The following DLGAP1 variants were observed in gnomAD, a reference collection of about 807,000 sequenced individuals.
The protein encoded by DLGAP1 is disks large-associated protein 1.
Under a neutral mutation model 90.8 loss-of-function variants are expected in DLGAP1, and 11 were observed. The ratio of observed to expected loss-of-function variants is 0.12; its 90% CI spans 0.08 to 0.20. The LOEUF is 0.20. Among genes scored for constraint, DLGAP1 ranks in the 10% least tolerant of loss-of-function variants. The pLI is 1.00. For missense variants in DLGAP1, 1,050 were observed against 1,333.8 expected (o/e 0.79, Z 3.31); for synonymous variants, 558 against 540.7 (o/e 1.03, Z -0.44).
chr18:3,657,633 T>G (rs1025529659), intron 7 of DLGAP1, among the ~76,000 whole-genome samples: 12 of 150,354 alleles, frequency 8.0e-5, no homozygotes, highest in Non-Finnish European at 1.6e-4. Flanking sequence ...GACGGAGTCT[T>G]GCTCTGTTGC....
At chr18:4,086,489 T>C (rs1358037421) in intron 2 of DLGAP1, among the ~76,000 whole-genome samples, 2 of 152,190 alleles carry the variant, frequency 1.3e-5, no homozygotes, top group East Asian at 3.9e-4. Flanking sequence ...CTCCCACAAG[T>C]TTCGATATGT....
chr18:4,155,871 G>A (rs2076747801), intron 1 of DLGAP1, among the ~76,000 whole-genome samples: 1 of 152,132 alleles, frequency 6.6e-6, no homozygotes, highest in African/African-American at 2.4e-5. Context: ...CCTGGCTGCT[G>A]GTTTGGAACA....
At chr18:3,700,796 AGACGGG>A in intron 7 of DLGAP1, among the ~76,000 whole-genome samples, 1 of 151,942 alleles carries the variant, frequency 6.6e-6, no homozygotes, top group African/African-American at 2.4e-5. Flanking sequence ...CTTTTGGTAA[AGACGGG>A]GTTTCACCGT....
chr18:4,247,247 AG>A (rs1469113333), intron 1 of DLGAP1, among the ~76,000 whole-genome samples: 1 of 152,216 alleles, frequency 6.6e-6, no homozygotes, highest in Non-Finnish European at 1.5e-5. Context: ...TCACGTATTA[AG>A]TCATTTAATC....
chr18:4,076,693 G>A (rs567771634), intron 2 of DLGAP1, among the ~76,000 whole-genome samples: 72 of 151,814 alleles, frequency 4.7e-4, no homozygotes, highest in Non-Finnish European at 8.5e-4. Flanking sequence ...GCGTGATCTC[G>A]GCTCACTGCA....
At chr18:3,604,174 C>G (rs982417583) in intron 7 of DLGAP1, 10 of 152,394 alleles carry the variant, frequency 6.6e-5, no homozygotes, top group African/African-American at 2.2e-4. Flanking sequence ...TAACCCATTC[C>G]CAGCTTATAA....
intron 8 of DLGAP1, among the ~76,000 whole-genome samples, chr18:3,581,023 C>A (rs1156253703): frequency 6.6e-6 from 1 of 152,132 alleles, no homozygotes; most frequent in Non-Finnish European, 1.5e-5. Context: ...CTGTCTGTGT[C>A]CTTCCAACCC....
At position 3,751,962 on chromosome 18, in the gene DLGAP1, C is replaced by A. The variant is rs981103071; in HGVS notation, c.1173-9450G>T. On this transcript the variant is annotated intron_variant, in intron 5 of 12. Transcript: ENST00000315677. ...GCAGTGGCGCGATCTTGGCTCACTG[C>A]AACCTCTGCTGCCCAGGTTCAAGTG... 2.6e-5 allele frequency among the ~76,000 whole-genome samples: 4 copies of A among 151,324 alleles called. No individual in the cohort carries two copies. In the East Asian group the frequency reaches 7.8e-4, roughly 29 times the overall value.
intron 1 of DLGAP1, chr18:4,430,783 T>C (rs1052656784): frequency 4.3e-4 from 66 of 152,060 alleles, no homozygotes; most frequent in Admixed American, 4.3e-3. Flanking sequence ...TCAGCTGCCA[T>C]TAGGAATTTA....
intron 1 of DLGAP1, among the ~76,000 whole-genome samples, chr18:4,343,151 C>CA (rs764220365): frequency 1.3e-3 from 192 of 151,658 alleles, no homozygotes; most frequent in Non-Finnish European, 2.0e-3. Context: ...ACTAAAAATA[C>CA]AAAAAATTAG....
chr18:3,641,647 C>T (rs1675246), intron 7 of DLGAP1, among the ~76,000 whole-genome samples: 49,162 of 150,402 alleles, frequency 0.33, 9,262 homozygotes, highest in African/African-American at 0.52. Flanking sequence ...TCCTCTATGG[C>T]AACAATAGTA....
intron 2 of DLGAP1, among the ~76,000 whole-genome samples, chr18:4,050,640 A>G (rs1433245956): frequency 6.6e-6 from 1 of 152,222 alleles, no homozygotes; most frequent in African/African-American, 2.4e-5. Flanking sequence ...TATATTTTTA[A>G]ACAGGTTAAT....
intron 2 of DLGAP1, among the ~76,000 whole-genome samples, chr18:4,114,340 A>T (rs1488011613): frequency 1.3e-5 from 2 of 151,770 alleles, no homozygotes; most frequent in Non-Finnish European, 2.9e-5. Context: ...GTATTCCTAG[A>T]TATTTTACTT....
chr18:3,863,602 G>A (rs2070213103), intron 4 of DLGAP1, among the ~76,000 whole-genome samples: 1 of 152,224 alleles, frequency 6.6e-6, no homozygotes, highest in South Asian at 2.1e-4. Context: ...TGTTGCTACT[G>A]CTATCCACAG....
At chr18:3,774,971 C>A (rs981853510) in intron 5 of DLGAP1, among the ~76,000 whole-genome samples, 16 of 152,316 alleles carry the variant, frequency 1.1e-4, no homozygotes, top group African/African-American at 3.8e-4. Flanking sequence ...TTTTCACTAA[C>A]TGAACTCATA....
chr18:3,807,787 C>T (rs972771022), intron 5 of DLGAP1, among the ~76,000 whole-genome samples: 6 of 152,160 alleles, frequency 3.9e-5, no homozygotes, highest in Non-Finnish European at 7.3e-5. Context: ...TGTCTCATTC[C>T]TTCTCTCTAG....
chr18:3,687,835 C>T (rs147502546), intron 7 of DLGAP1, among the ~76,000 whole-genome samples: 348 of 151,252 alleles, frequency 2.3e-3, no homozygotes, highest in Non-Finnish European at 3.5e-3. Context: ...CAACCTATAA[C>T]ATTGAAAGAG....
At chr18:4,051,513 G>C (rs1047748249) in intron 2 of DLGAP1, among the ~76,000 whole-genome samples, 2 of 152,194 alleles carry the variant, frequency 1.3e-5, no homozygotes, top group African/African-American at 4.8e-5. Flanking sequence ...ACAGCATGGA[G>C]GGTAACCACC....
chr18:4,410,965 C>G (rs1598378424), intron 1 of DLGAP1, among the ~76,000 whole-genome samples: 1 of 152,270 alleles, frequency 6.6e-6, no homozygotes, highest in Non-Finnish European at 1.5e-5. Flanking sequence ...AAGCAGCAAC[C>G]CCCCAATAAG....
Sources: gnomAD v4.1 joint callset for allele counts (sites outside exome capture counted in the v4.1 genomes callset) on GRCh38, gnomAD v4.1.1 for gene constraint, MANE v1.5 for transcripts, NCBI Gene and HGNC (gene_info 2026-07-23, HGNC 2026-07-21) for gene names.